CENPI: variants seen among roughly 807,000 people sequenced by gnomAD.
The protein encoded by CENPI is FSH primary response 1.
Under a neutral mutation model 60.4 loss-of-function variants are expected in CENPI, and 4 were observed. That is an observed-to-expected ratio of 0.07 (90% CI 0.03 to 0.15). The LOEUF (loss-of-function observed/expected upper bound fraction) is 0.15. CENPI is among the 10% of genes least tolerant of loss of function. The pLI, the probability that CENPI is intolerant of heterozygous loss-of-function variation, is 1.00. For synonymous variants in CENPI, 157 were observed against 189.4 expected, an observed-to-expected ratio of 0.83 and a Z score of 1.40; for missense variants, 444 against 534.5, an observed-to-expected ratio of 0.83 and a Z score of 1.67.
At chrX:101,149,766 CAA>C (rs1389756150) in intron 20 of CENPI, among the ~76,000 whole-genome samples, 1 of 110,947 alleles carries the variant, frequency 9.0e-6, no homozygotes, top group East Asian at 2.8e-4. Flanking sequence ...CTCGGCCTCC[CAA>C]AGTGCTGAGA....
Position 101,163,170 on chromosome X carries a change from C to T in CENPI, c.*203C>T. 2.7e-6 allele frequency: 1 copy of T among 369,569 alleles called. No individual in the cohort carries two copies. The highest frequency in any genetic ancestry group is 4.6e-6 in the Non-Finnish European group (1 of 218,096). 30.5% of individuals were successfully genotyped at this position (369,569 alleles called of 1,213,427 possible). On this transcript the variant is annotated 3_prime_UTR_variant, in exon 22 of 22. Coordinates refer to ENST00000682095, the MANE Select transcript of CENPI (RefSeq NM_001386188.2). ...CAAAATTTAGATTTTTTTAGCCTAC[C>T]AGTGAAAAATGACCCCTTCATCATC...
At chrX:101,125,155 C>T (rs1192504967) in intron 8 of CENPI, among the ~76,000 whole-genome samples, 1 of 111,473 alleles carries the variant, frequency 9.0e-6, no homozygotes, top group Non-Finnish European at 1.9e-5. Flanking sequence ...TGCATCCCCA[C>T]TTTTTAGAGA....
the CENPI span, among the ~76,000 whole-genome samples, chrX:101,172,625 G>A: frequency 8.9e-6 from 1 of 111,749 alleles, no homozygotes; most frequent in Admixed American, 9.5e-5. Flanking sequence ...AGGGCTGATC[G>A]GGATAGTTGG....
At position 101,102,428 on chromosome X, in the gene CENPI, CTT is replaced by C. The variant is rs59141949; in HGVS notation, c.364+25_364+26del. The C allele has an allele frequency of 1.0e-5, 11 of 1,099,169 alleles. No homozygotes were observed. The highest frequency in any genetic ancestry group is 1.2e-5 in the Non-Finnish European group (10 of 828,294). The allele number at this position is 1,099,169 out of a possible 1,213,427, so 90.6% of individuals were successfully genotyped here. ...GCAAATTTGGTATGTTGAGGAAATG[CTT>C]TTTTTTTCTTTTAACTCACCTAGCA... On this transcript the variant is annotated intron_variant, in intron 4 of 21. Transcript: ENST00000682095.
rs1281692435 is a variant in CENPI, at chrX:101,161,507, TTTTG to T, written c.2095-9_2095-6del. 2.1e-5 allele frequency: 25 copies of T among 1,200,943 alleles called. No individual in the cohort carries two copies. Among genetic ancestry groups the T allele is most frequent in the Non-Finnish European group, 2.7e-5 (24 of 887,360 alleles). On this transcript the variant is annotated splice_polypyrimidine_tract_variant and intron_variant, in intron 20 of 21. Coordinates refer to ENST00000682095, the MANE Select transcript of CENPI (RefSeq NM_001386188.2). Reference sequence around the variant, plus strand: ...CTTTTTTGTTTTGCTTTGTTTTGTTTTTTGTTTGTTTGTTTTTAAGGAAAGCCCA... The same window carrying T: ...CTTTTTTGTTTTGCTTTGTTTTGTTTTTTGTTTGTTTTTAAGGAAAGCCCA...
chrX:101,152,567 A>T (rs963053427), intron 20 of CENPI, among the ~76,000 whole-genome samples: 1 of 108,618 alleles, frequency 9.2e-6, no homozygotes, highest in Non-Finnish European at 1.9e-5. Context: ...ATGCCCCGCT[A>T]ATTTTTTGTA....
At chrX:101,160,867 AATT>A (rs780745334) in intron 20 of CENPI, among the ~76,000 whole-genome samples, 13 of 111,758 alleles carry the variant, frequency 1.2e-4, no homozygotes, top group Non-Finnish European at 2.1e-4. Flanking sequence ...AGATATGTAC[AATT>A]ATTATGTGTC....
chrX:101,101,117 C>A lies in CENPI; in HGVS notation c.47C>A (p.Thr16Asn). ...AAGAACGTCCAGGCACAAAACAGGA[C>A]TTCACAAGGTAGTAGTAGTTTTCAG... is the stretch of plus-strand genomic sequence containing the variant. Reference protein sequence around the residue: ...RVKNVQAQNRTSQGSSSFQTT... With the variant: ...RVKNVQAQNRNSQGSSSFQTT... The change falls in exon 3 of 22, where the codon ACT (threonine) becomes AAT (asparagine). Residue 16 changes from threonine to asparagine, a missense_variant. By Grantham distance (65) the Thr-to-Asn change is moderately conservative (BLOSUM62 0). Coordinates refer to ENST00000682095, the MANE Select transcript of CENPI (RefSeq NM_001386188.2). 8.3e-7 allele frequency: 1 copy of A among 1,211,467 alleles called. No individual in the cohort carries two copies. Among genetic ancestry groups the A allele is most frequent in the East Asian group, 3.0e-5 (1 of 33,837 alleles).
downstream of CENPI, among the ~76,000 whole-genome samples, chrX:101,169,712 G>T (rs768156897): frequency 8.9e-6 from 1 of 111,871 alleles, no homozygotes; most frequent in East Asian, 2.8e-4. Context: ...TATCATCAGA[G>T]ATGACAGCTC....
At chrX:101,147,881 T>G (rs1000143218) in intron 19 of CENPI, 62 bp from the exon 20 acceptor site, 2 of 1,154,985 alleles carry the variant, frequency 1.7e-6, no homozygotes, top group Non-Finnish European at 1.2e-6. Context: ...TATGACCTGA[T>G]GGGAGTAAGA....
At chrX:101,138,737 C>T (rs1285455851) in intron 15 of CENPI, among the ~76,000 whole-genome samples, 7 of 107,535 alleles carry the variant, frequency 6.5e-5, no homozygotes, top group East Asian at 5.9e-4. Context: ...GTGATCCTCC[C>T]GGCTCAGCCT....
chrX:101,139,735 G>T (rs1236645128), intron 15 of CENPI, among the ~76,000 whole-genome samples: 1 of 111,348 alleles, frequency 9.0e-6, no homozygotes, highest in Non-Finnish European at 1.9e-5. Flanking sequence ...ATTAGATTTT[G>T]GGATGGTATG....
intron 20 of CENPI, among the ~76,000 whole-genome samples, chrX:101,152,073 C>CTT (rs201746153): frequency 8.3e-5 from 9 of 108,225 alleles, no homozygotes; most frequent in African/African-American, 3.0e-4. Flanking sequence ...CTAGAAGTTT[C>CTT]TTTTTTTTTG....
chrX:101,124,119 G>A (rs1003505647), intron 8 of CENPI, among the ~76,000 whole-genome samples: 1 of 108,385 alleles, frequency 9.2e-6, no homozygotes, highest in Admixed American at 1.0e-4. Context: ...GTGTGTGTGT[G>A]TGTGTGTGTG....
At chrX:101,099,387 T>C (rs1389193372) in intron 2 of CENPI, among the ~76,000 whole-genome samples, 1 of 107,089 alleles carries the variant, frequency 9.3e-6, no homozygotes, top group Non-Finnish European at 1.9e-5. Flanking sequence ...GAGATAGAGA[T>C]TGCGCCACTG....
At position 101,132,293 on chromosome X, in the gene CENPI, T is replaced by C; in HGVS notation, c.1391T>C (p.Phe464Ser). 8.3e-7 allele frequency: 1 copy of C among 1,203,480 alleles called. No homozygotes were observed. The highest frequency in any genetic ancestry group is 1.1e-6 in the Non-Finnish European group (1 of 888,202). Reference protein sequence around the residue: ...QFLQLVSWIPFSSFSEVKPLL... With the variant: ...QFLQLVSWIPSSSFSEVKPLL... The stretch of plus-strand genomic sequence containing the variant: ...CTTCAGCTTGTGAGCTGGATTCCTT[T>C]TAGTAGCTTCTCTGGTATGTATCAT... Residue 464 changes from phenylalanine to serine, a missense_variant, in exon 14 of 22, where the codon TTT (phenylalanine) becomes TCT (serine). Physicochemically the swap from Phe to Ser is radical, Grantham distance 155. Transcript: ENST00000682095.
intron 15 of CENPI, among the ~76,000 whole-genome samples, chrX:101,134,995 C>G (rs2089831942): frequency 1.9e-5 from 2 of 104,321 alleles, no homozygotes; most frequent in Admixed American, 1.1e-4. Flanking sequence ...GTCTGGGCAA[C>G]AGAACAAGAT....
chrX:101,110,456 A>G (rs907594098), intron 6 of CENPI, among the ~76,000 whole-genome samples: 1 of 111,885 alleles, frequency 8.9e-6, no homozygotes, highest in Non-Finnish European at 1.9e-5. Flanking sequence ...ATGAGTGCCA[A>G]TGGAGTGATT....
chrX:101,164,529 G>A lies in CENPI; in HGVS notation c.*1562G>A, dbSNP rs1254103247. Among the ~76,000 whole-genome samples the A allele has an allele frequency of 9.0e-6, 1 of 110,973 alleles. No homozygotes were observed. Among genetic ancestry groups the A allele is most frequent in the Non-Finnish European group, 1.9e-5 (1 of 53,012 alleles). ...GTATTTTTAGTAGAGACAGGGTTCCGTCATGTTGACCAGGCTGGACTTGAA... is the reference window on the plus strand; with the variant it reads ...GTATTTTTAGTAGAGACAGGGTTCCATCATGTTGACCAGGCTGGACTTGAA... On this transcript the variant is annotated 3_prime_UTR_variant, in exon 22 of 22. Coordinates refer to ENST00000682095, the MANE Select transcript of CENPI (RefSeq NM_001386188.2).
Sources: gnomAD v4.1 joint callset for allele counts (sites outside exome capture counted in the v4.1 genomes callset) on GRCh38, gnomAD v4.1.1 for gene constraint, MANE v1.5 for transcripts, NCBI Gene and HGNC (gene_info 2026-07-23, HGNC 2026-07-21) for gene names.